STXBP5L: variants seen among roughly 807,000 people sequenced by gnomAD.
The protein encoded by STXBP5L is syntaxin binding protein 5L, also known as syntaxin-binding protein 5-like.
A neutral mutation model predicts 144.5 loss-of-function variants in STXBP5L; 65 were observed. That is an observed-to-expected ratio of 0.45 (90% confidence interval 0.37 to 0.55). STXBP5L has a LOEUF of 0.55. Ranked by LOEUF, STXBP5L falls within the 20% of genes least tolerant of loss-of-function variation. The pLI is 0.00. For missense variants in STXBP5L, 1,298 were observed against 1,405.5 expected (o/e 0.92, Z 1.22); for synonymous variants, 505 against 469.6 (o/e 1.08, Z -0.97).
rs117403399 is a variant in STXBP5L at position 121,413,527 on chromosome 3, C to T, written c.3114+204C>T. ...ACAGAAATAATAAGAAAGAGGGAGACAATGGAAAGATCATTCATATTAATA... is the reference window on the plus strand; with the variant it reads ...ACAGAAATAATAAGAAAGAGGGAGATAATGGAAAGATCATTCATATTAATA... On this transcript the variant is annotated intron_variant, in intron 24 of 26. Transcript: ENST00000471454. Among the ~76,000 whole-genome samples, 20 of 152,162 alleles carry T rather than the reference C, an allele frequency of 1.3e-4. No homozygotes were observed. In the East Asian group the frequency reaches 3.9e-3, roughly 29 times the overall value.
intron 3 of STXBP5L, among the ~76,000 whole-genome samples, chr3:120,977,999 T>C (rs983729048): frequency 3.3e-5 from 5 of 152,228 alleles, no homozygotes; most frequent in South Asian, 2.1e-4. Context: ...ATTTCAACTT[T>C]GGTGAATATG....
chr3:121,241,504 G>A (rs1320401255), intron 14 of STXBP5L, among the ~76,000 whole-genome samples: 1 of 152,052 alleles, frequency 6.6e-6, no homozygotes, highest in African/African-American at 2.4e-5. Flanking sequence ...ACCCTTATCA[G>A]GGTATAATGA....
At chr3:121,105,940 A>T (rs1200156173) in intron 5 of STXBP5L, among the ~76,000 whole-genome samples, 3 of 152,144 alleles carry the variant, frequency 2.0e-5, no homozygotes, top group Non-Finnish European at 4.4e-5. Flanking sequence ...TACCTAAGTA[A>T]AATTTCTAAG....
chr3:120,970,887 T>C (rs1003524915), intron 3 of STXBP5L, among the ~76,000 whole-genome samples: 10 of 152,180 alleles, frequency 6.6e-5, no homozygotes, highest in Non-Finnish European at 1.3e-4. Context: ...CATTGTTGTC[T>C]GGTCTGGGGA....
At chr3:121,171,184 A>G (rs1434173429) in intron 9 of STXBP5L, among the ~76,000 whole-genome samples, 2 of 152,226 alleles carry the variant, frequency 1.3e-5, no homozygotes, top group Admixed American at 1.3e-4. Context: ...AACTCTCAAT[A>G]AACTAGGAAT....
chr3:121,413,062 A>C (rs772121947), intron 23 of STXBP5L, 96 bp from the exon 24 acceptor site: 8 of 1,001,762 alleles, frequency 8.0e-6, no homozygotes, highest in East Asian at 3.1e-5. Flanking sequence ...AAAAAGAAAC[A>C]ACCATAAAAT....
intron 3 of STXBP5L, among the ~76,000 whole-genome samples, chr3:120,982,992 G>A (rs542349090): frequency 3.9e-5 from 6 of 152,328 alleles, no homozygotes; most frequent in Admixed American, 2.6e-4. Flanking sequence ...GCTGTGCTGT[G>A]GACCTGCCAC....
intron 19 of STXBP5L, among the ~76,000 whole-genome samples, chr3:121,299,967 C>G (rs1290818600): frequency 8.8e-6 from 1 of 113,800 alleles, no homozygotes; most frequent in Non-Finnish European, 1.7e-5. Flanking sequence ...GCAACAGAGA[C>G]CTGATCTCAA....
At chr3:121,336,116 C>G (rs1420038994) in intron 20 of STXBP5L, among the ~76,000 whole-genome samples, 3 of 152,106 alleles carry the variant, frequency 2.0e-5, no homozygotes, top group Non-Finnish European at 4.4e-5. Flanking sequence ...TATGAATAGA[C>G]ACTTTTCAAA....
intron 2 of STXBP5L, among the ~76,000 whole-genome samples, chr3:120,950,616 T>A (rs571051023): frequency 8.5e-5 from 13 of 152,260 alleles, no homozygotes; most frequent in African/African-American, 3.1e-4. Flanking sequence ...ACATGAGACA[T>A]GCTGGTGCGC....
At chr3:121,207,670 A>T (rs1361543452) in intron 10 of STXBP5L, among the ~76,000 whole-genome samples, 1 of 152,238 alleles carries the variant, frequency 6.6e-6, no homozygotes, top group Non-Finnish European at 1.5e-5. Context: ...AAAGTGGGTG[A>T]AGGACATGAA....
At chr3:120,923,332 C>G (rs1308621053) in intron 2 of STXBP5L, among the ~76,000 whole-genome samples, 1 of 151,412 alleles carries the variant, frequency 6.6e-6, no homozygotes, top group Non-Finnish European at 1.5e-5. Context: ...TTATTCTCAA[C>G]TTTATTATTT....
intron 7 of STXBP5L, among the ~76,000 whole-genome samples, chr3:121,125,015 T>G (rs2044640648): frequency 6.6e-6 from 1 of 152,206 alleles, no homozygotes; most frequent in Admixed American, 6.5e-5. Context: ...TTATTATTTC[T>G]TAATTTGTTA....
chr3:121,405,309 CTT>C (rs897280829), intron 22 of STXBP5L, among the ~76,000 whole-genome samples: 2 of 152,006 alleles, frequency 1.3e-5, no homozygotes, highest in Admixed American at 6.6e-5. Context: ...TTCTTTTCTG[CTT>C]TTTTTCCTTA....
At chr3:121,282,384 C>A in intron 19 of STXBP5L, 1 of 1,559,172 alleles carries the variant, frequency 6.4e-7, no homozygotes, top group Non-Finnish European at 8.8e-7. Context: ...AGACATAATG[C>A]TTGAGTTAAA....
intron 9 of STXBP5L, among the ~76,000 whole-genome samples, chr3:121,180,584 A>G (rs761739510): frequency 1.3e-5 from 2 of 152,194 alleles, no homozygotes; most frequent in Non-Finnish European, 2.9e-5. Flanking sequence ...ATAGAACAGT[A>G]CCTCACCAGC....
At chr3:121,004,742 T>G (rs1944119837) in intron 3 of STXBP5L, among the ~76,000 whole-genome samples, 1 of 152,202 alleles carries the variant, frequency 6.6e-6, no homozygotes, top group African/African-American at 2.4e-5. Context: ...CCTAATTTTT[T>G]GAGAGTTTTT....
chr3:121,293,180 C>T (rs1052907934), intron 19 of STXBP5L, among the ~76,000 whole-genome samples: 2 of 151,752 alleles, frequency 1.3e-5, no homozygotes, highest in South Asian at 2.1e-4. Context: ...TGGATGAATC[C>T]AAAATAATTG....
chr3:121,279,824 A>G lies in STXBP5L; in HGVS notation c.1978A>G (p.Asn660Asp). 1 of 1,612,296 alleles carries G rather than the reference A, an allele frequency of 6.2e-7. No individual in the cohort carries two copies. The highest frequency in any genetic ancestry group is 8.5e-7 in the Non-Finnish European group (1 of 1,178,722). ...AYGIVAFGNC[N>D]GLAVVDFIQK... ...TCTTAGAGTTGCATTTGGGAACTGC[A>G]ATGGGTTGGCTGTGGTGGATTTTAT... is the stretch of plus-strand genomic sequence containing the variant. The change falls in exon 19 of 27, where the codon AAT becomes GAT. Residue 660 changes from asparagine (N) to aspartate (D), a missense_variant. Asn to Asp is a conservative substitution (Grantham distance 23). Transcript: ENST00000471454.
Sources: gnomAD v4.1 joint callset for allele counts (sites outside exome capture counted in the v4.1 genomes callset) on GRCh38, gnomAD v4.1.1 for gene constraint, MANE v1.5 for transcripts, NCBI Gene and HGNC (gene_info 2026-07-23, HGNC 2026-07-21) for gene names.